The following STK32B variants were observed in gnomAD, a reference collection of about 807,000 sequenced individuals.
STK32B encodes the protein serine/threonine kinase 32B.
A neutral mutation model predicts 52.6 loss-of-function variants in STK32B; 43 were observed. The ratio of observed to expected loss-of-function variants is 0.82; its 90% CI spans 0.64 to 1.05. The LOEUF is 1.05. STK32B is among the 50% of genes least tolerant of loss of function. The probability of loss-of-function intolerance (pLI) is 0.00; values close to 1 mark genes in which losing one functional copy is unlikely to be tolerated. For synonymous variants in STK32B, 238 were observed against 204.3 expected, an observed-to-expected ratio of 1.17 and a Z score of -1.41; for missense variants, 621 against 534.6, an observed-to-expected ratio of 1.16 and a Z score of -1.59.
chr4:5,375,221 C>A (rs1183455255), intron 4 of STK32B, among the ~76,000 whole-genome samples: 2 of 152,086 alleles, frequency 1.3e-5, no homozygotes, highest in South Asian at 4.1e-4. Context: ...GCTGCATCCA[C>A]CCCCAGTCCT....
intron 4 of STK32B, among the ~76,000 whole-genome samples, chr4:5,392,333 T>C (rs773949060): frequency 1.1e-4 from 16 of 152,084 alleles, no homozygotes; most frequent in Non-Finnish European, 1.2e-4. Flanking sequence ...AGCTGAGGCA[T>C]GAGAATCACT....
At chr4:5,129,084 C>T (rs941128873) in intron 1 of STK32B, among the ~76,000 whole-genome samples, 2 of 152,142 alleles carry the variant, frequency 1.3e-5, no homozygotes, top group East Asian at 1.9e-4. Context: ...TAGTCATGTC[C>T]ATAAGTTATG....
At position 5,257,197 on chromosome 4, in the gene STK32B, G is replaced by C. The variant is rs117609568; in HGVS notation, c.261-74023G>C. ...TGAGTGAGTGCACAGGTGAGTGAGT[G>C]AATGAGTGAGTGAGCAAGTGATTAT... On this transcript the variant is annotated intron_variant, in intron 3 of 11. Transcript: ENST00000282908. 3.7e-3 allele frequency among the ~76,000 whole-genome samples: 564 copies of C among 152,252 alleles called. 14 individuals carry two copies. The East Asian group carries it at 0.07, about 19-fold the overall frequency.
intron 3 of STK32B, among the ~76,000 whole-genome samples, chr4:5,238,225 C>G (rs1026630479): frequency 1.3e-5 from 2 of 152,134 alleles, no homozygotes; most frequent in African/African-American, 4.8e-5. Context: ...GCTGTGCTTT[C>G]TCTGAAATCT....
At chr4:5,312,376 T>C (rs982807502) in intron 3 of STK32B, among the ~76,000 whole-genome samples, 25 of 152,008 alleles carry the variant, frequency 1.6e-4, no homozygotes, top group African/African-American at 6.0e-4. Flanking sequence ...CACGCTGGTG[T>C]GCTGCACCCA....
chr4:5,297,459 G>T (rs1248777478), intron 3 of STK32B, among the ~76,000 whole-genome samples: 2 of 151,478 alleles, frequency 1.3e-5, no homozygotes, highest in Non-Finnish European at 2.9e-5. Context: ...CATATTTCTT[G>T]GTGGCTTTTC....
chr4:5,438,497 G>A (rs6827240), intron 6 of STK32B, among the ~76,000 whole-genome samples: 2 of 152,168 alleles, frequency 1.3e-5, no homozygotes, highest in East Asian at 1.9e-4. Context: ...GAGGAGGATG[G>A]CATTTAGGAG....
intron 3 of STK32B, among the ~76,000 whole-genome samples, chr4:5,203,540 C>G (rs1722320763): frequency 6.6e-6 from 1 of 152,098 alleles, no homozygotes; most frequent in Non-Finnish European, 1.5e-5. Context: ...TGTGACTGTA[C>G]AGGGGTTGGG....
At chr4:5,084,254 A>G (rs1483487102) in intron 1 of STK32B, among the ~76,000 whole-genome samples, 1 of 152,146 alleles carries the variant, frequency 6.6e-6, no homozygotes. Context: ...ACTTCTTTGT[A>G]TTGGAGAACT....
intron 4 of STK32B, among the ~76,000 whole-genome samples, chr4:5,382,757 A>G (rs914189565): frequency 3.3e-5 from 5 of 152,200 alleles, no homozygotes; most frequent in African/African-American, 1.2e-4. Context: ...CTTTCACCAT[A>G]TGCCAAGCCT....
chr4:5,218,364 G>A (rs1279221740), intron 3 of STK32B, among the ~76,000 whole-genome samples: 1 of 152,196 alleles, frequency 6.6e-6, no homozygotes. Flanking sequence ...TTCTGTGATG[G>A]TGCAGGAAAG....
chr4:5,316,171 A>ATAT (rs1730680096), intron 3 of STK32B, among the ~76,000 whole-genome samples: 2 of 114,174 alleles, frequency 1.8e-5, no homozygotes, highest in African/African-American at 6.8e-5. Context: ...AACTAAATAT[A>ATAT]TATATAACTA....
rs1164588343 is a variant in STK32B at position 5,384,450 on chromosome 4, GA to G, written c.435-13756del. ...AAGAGAGAGAATGCCCTCTAAAATG[GA>G]GAATGAATGAACAAGGAGGATATCC... On this transcript the variant is annotated intron_variant, in intron 4 of 11. Transcript: ENST00000282908. 6.6e-5 allele frequency among the ~76,000 whole-genome samples: 10 copies of G among 152,240 alleles called. No individual in the cohort carries two copies. In the East Asian group the frequency reaches 1.9e-3, roughly 29 times the overall value.
intron 3 of STK32B, among the ~76,000 whole-genome samples, chr4:5,242,627 G>C (rs1725118146): frequency 6.6e-6 from 1 of 152,114 alleles, no homozygotes; most frequent in East Asian, 1.9e-4. Flanking sequence ...ATTGCTTTTG[G>C]TGTTTTAGAC....
At chr4:5,393,183 GC>G (rs1259370720) in intron 4 of STK32B, among the ~76,000 whole-genome samples, 1 of 152,136 alleles carries the variant, frequency 6.6e-6, no homozygotes, top group African/African-American at 2.4e-5. Flanking sequence ...CCCAGTAAAT[GC>G]CTTTGGTCAT....
chr4:5,426,847 T>G (rs904444345), intron 6 of STK32B: 1 of 152,188 alleles, frequency 6.6e-6, no homozygotes, highest in Non-Finnish European at 1.5e-5. Context: ...GTCTTTCTAT[T>G]ATCTTAAAAG....
chr4:5,281,467 C>A (rs1728194387), intron 3 of STK32B, among the ~76,000 whole-genome samples: 2 of 152,064 alleles, frequency 1.3e-5, no homozygotes, highest in Non-Finnish European at 2.9e-5. Flanking sequence ...GTTGGGAGAG[C>A]ATTAGGACAA....
chr4:5,105,959 T>C (rs1714084490), intron 1 of STK32B, among the ~76,000 whole-genome samples: 1 of 152,116 alleles, frequency 6.6e-6, no homozygotes. Flanking sequence ...ATAACAGAAG[T>C]ATAGCCCTTT....
At chr4:5,251,337 G>A (rs909839280) in intron 3 of STK32B, among the ~76,000 whole-genome samples, 4 of 152,168 alleles carry the variant, frequency 2.6e-5, no homozygotes, top group Admixed American at 2.6e-4. Flanking sequence ...TTGTTGAATA[G>A]GGATTCCTTT....
Sources: gnomAD v4.1 joint callset for allele counts (sites outside exome capture counted in the v4.1 genomes callset) on GRCh38, gnomAD v4.1.1 for gene constraint, MANE v1.5 for transcripts, NCBI Gene and HGNC (gene_info 2026-07-23, HGNC 2026-07-21) for gene names.